BRCA2: variants seen among roughly 807,000 people sequenced by gnomAD.
The protein encoded by BRCA2 is BRCA2 DNA repair associated.
BRCA2 carries 203 observed loss-of-function variants against 276.7 expected under a neutral mutation model. That is an observed-to-expected ratio of 0.73 (90% CI 0.65 to 0.82). The LOEUF is 0.82. BRCA2 is among the 40% of genes least tolerant of loss of function. The pLI is 0.00. For synonymous variants in BRCA2, 1,289 were observed against 1,338.4 expected (o/e 0.96, Z 0.81); for missense variants, 3,920 against 3,915.0 (o/e 1.00, Z -0.03).
At chr13:32,363,078 G>A in intron 17 of BRCA2, 101 bp from the exon 18 acceptor site, 1 of 990,056 alleles carries the variant, frequency 1.0e-6, no homozygotes, top group South Asian at 1.5e-5. Flanking sequence ...GTATTTCTTA[G>A]ATAAATTCAG....
intron 8 of BRCA2, among the ~76,000 whole-genome samples, chr13:32,330,540 G>A (rs948363733): frequency 6.6e-6 from 1 of 152,154 alleles, no homozygotes; most frequent in African/African-American, 2.4e-5. Context: ...CACAATAGCC[G>A]ATCTGATAAC....
In BRCA2 at chr13:32,333,333, C is replaced by T. The variant is rs80358476; in HGVS notation, c.1855C>T (p.Gln619Ter). ...QKSELINCSA[Q>*]FEANAFEAPL... is the part of the protein sequence containing the mutation. ...ATCAGAACTAATTAACTGTTCAGCC[C>T]AGTTTGAAGCAAATGCTTTTGAAGC... The change falls in exon 10 of 27, where the codon CAG (glutamine) becomes TAG (stop). Residue 619 changes from glutamine to a stop codon, truncating the protein, a stop_gained. Transcript: ENST00000380152. LOFTEE classifies it high-confidence loss of function. The T allele has an allele frequency of 6.2e-7, 1 of 1,608,098 alleles. No individual in the cohort carries two copies. Among genetic ancestry groups the T allele is most frequent in the South Asian group, 1.1e-5 (1 of 89,252 alleles).
rs786202150 is a variant in BRCA2, at chr13:32,333,147, T to A, written c.1669T>A (p.Leu557Ile). The change falls in exon 10 of 27, where the codon TTA becomes ATA. Residue 557 changes from leucine (L) to isoleucine (I), a missense_variant. Coordinates refer to ENST00000380152, the MANE Select transcript of BRCA2 (RefSeq NM_000059.4). Reference protein sequence around the residue: ...SQKEDSLCPNLIDNGSWPATT... With the variant: ...SQKEDSLCPNIIDNGSWPATT... Reference sequence around the variant, plus strand: ...GAAGGAGGACTCCTTATGTCCAAATTTAATTGATAATGGAAGCTGGCCAGC... The same window carrying A: ...GAAGGAGGACTCCTTATGTCCAAATATAATTGATAATGGAAGCTGGCCAGC... 6.2e-7 allele frequency: 1 copy of A among 1,614,024 alleles called. No individual in the cohort carries two copies. Among genetic ancestry groups the A allele is most frequent in the Non-Finnish European group, 8.5e-7 (1 of 1,180,024 alleles).
chr13:32,337,209 G>T lies in BRCA2; in HGVS notation c.2854G>T (p.Ala952Ser), dbSNP rs80358536. Residue 952 changes from alanine to serine, a missense_variant, in exon 11 of 27, where the codon GCA becomes TCA. Physicochemically the swap from Ala to Ser is moderately conservative, Grantham distance 99. Around this residue, in one of 2 missense-constraint regions of BRCA2, gnomAD observed 3,263 missense variants for 3,156.9 expected, o/e 1.03. Coordinates refer to ENST00000380152, the MANE Select transcript of BRCA2 (RefSeq NM_000059.4). Reference sequence around the variant, plus strand: ...TAAAAAAGATTTGGTTTATGTTCTTGCAGAGGAGAACAAAAATAGTGTAAA... The same window carrying T: ...TAAAAAAGATTTGGTTTATGTTCTTTCAGAGGAGAACAAAAATAGTGTAAA... The part of the protein sequence containing the change: ...SIKKDLVYVL[A>S]EENKNSVKQH... 1 of 1,613,250 alleles carries T rather than the reference G, an allele frequency of 6.2e-7. No individual in the cohort carries two copies. Among genetic ancestry groups the T allele is most frequent in the Non-Finnish European group, 8.5e-7 (1 of 1,179,730 alleles).
rs536218070 is a variant in BRCA2, at chr13:32,333,081, G to T, written c.1603G>T (p.Ala535Ser). Residue 535 changes from alanine (A) to serine (S), a missense_variant, in exon 10 of 27, where the codon GCC (alanine) becomes TCC (serine). Physicochemically the swap from Ala to Ser is moderately conservative, Grantham distance 99. Transcript: ENST00000380152. ...TDPNFKKETE[A>S]SESGLEIHTV... ...TCCAAACTTTAAAAAAGAAACTGAA[G>T]CCTCTGAAAGTGGACTGGAAATACA... 1.9e-6 allele frequency: 3 copies of T among 1,611,738 alleles called. No homozygotes were observed. The South Asian group carries it at 3.3e-5, about 18-fold the overall frequency.
At chr13:32,344,486 G>T in intron 11 of BRCA2, 72 bp from the exon 12 acceptor site, 1 of 961,876 alleles carries the variant, frequency 1.0e-6, no homozygotes, top group Non-Finnish European at 1.6e-6. Flanking sequence ...TTAAAAAAAT[G>T]GTCTATAGAC....
rs80358926 is a variant in BRCA2 at position 32,346,880 on chromosome 13, A to G, written c.6991A>G (p.Thr2331Ala). Residue 2331 changes from threonine to alanine, a missense_variant, in exon 13 of 27, where the codon ACC becomes GCC. By Grantham distance (58) the Thr-to-Ala change is moderately conservative. Around this residue, in one of 2 missense-constraint regions of BRCA2, gnomAD observed 3,263 missense variants for 3,156.9 expected, o/e 1.03. Transcript: ENST00000380152. ...FMHHVSLEPI[T>A]CVPFRTTKER... ...GCATCATGTTTCTTTAGAGCCGATT[A>G]CCTGTGTACCCTTTCGGTAAGACAT... 4 of 1,609,118 alleles carry G rather than the reference A, an allele frequency of 2.5e-6. No individual in the cohort carries two copies. The African/African-American group carries it at 4.0e-5, about 16-fold the overall frequency.
intron 18 of BRCA2, among the ~76,000 whole-genome samples, chr13:32,368,602 C>A (rs1380597832): frequency 6.6e-6 from 1 of 151,210 alleles, no homozygotes. Context: ...ATTCACTGAT[C>A]CAGAAGTTGT....
At position 32,338,423 on chromosome 13, in the gene BRCA2, G is replaced by A. The variant is rs28897724; in HGVS notation, c.4068G>A (p.Leu1356=). The change falls in exon 11 of 27, where the codon TTG becomes TTA. Residue 1356 remains leucine (L), a synonymous_variant. Coordinates refer to ENST00000380152, the MANE Select transcript of BRCA2 (RefSeq NM_000059.4). The part of the protein sequence containing the change: ...TVCIHKDETD[L]LFTDQHNICL... ...GTATTCATAAAGATGAAACGGACTT[G>A]CTATTTACTGATCAGCACAACATAT... 3.4e-3 allele frequency: 5,475 copies of A among 1,608,220 alleles called. 7 individuals are homozygous for A. The highest frequency in any genetic ancestry group is 4.0e-3 in the Non-Finnish European group (4,700 of 1,178,176).
In BRCA2 at chr13:32,398,916, G is replaced by A. The variant is rs970865582; in HGVS notation, c.*146G>A. 6.3e-6 allele frequency: 7 copies of A among 1,109,358 alleles called. No homozygotes were observed. In the South Asian group the frequency reaches 7.0e-5, roughly 11 times the overall value. The allele number at this position is 1,109,358 out of a possible 1,614,324, so 68.7% of individuals were successfully genotyped here. On this transcript the variant is annotated 3_prime_UTR_variant, in exon 27 of 27. Transcript: ENST00000380152. Reference sequence around the variant, plus strand: ...AAATTTACCTCAGCGTTTGTGTATCGGGCAAAAATCGTTTTGCCCGATTCC... The same window carrying A: ...AAATTTACCTCAGCGTTTGTGTATCAGGCAAAAATCGTTTTGCCCGATTCC...
At chr13:32,384,358 C>G (rs1257205113) in intron 24 of BRCA2, among the ~76,000 whole-genome samples, 1 of 152,068 alleles carries the variant, frequency 6.6e-6, no homozygotes, top group Non-Finnish European at 1.5e-5. Context: ...TGAAAGGATT[C>G]GAGGAGATGA....
chr13:32,340,414 A>G lies in BRCA2; in HGVS notation c.6059A>G (p.Glu2020Gly). 1 of 1,613,816 alleles carries G rather than the reference A, an allele frequency of 6.2e-7. No homozygotes were observed. Among genetic ancestry groups the G allele is most frequent in the East Asian group, 2.2e-5 (1 of 44,836 alleles). Residue 2020 changes from glutamate (E) to glycine (G), a missense_variant, in exon 11 of 27, where the codon GAA (glutamate) becomes GGA (glycine). Physicochemically the swap from Glu to Gly is moderately conservative, Grantham distance 98. Coordinates refer to ENST00000380152, the MANE Select transcript of BRCA2 (RefSeq NM_000059.4). Reference sequence around the variant, plus strand: ...TCCAAAGTATTGTTTAAAAGTAACGAACATTCAGACCAGCTCACAAGAGAA... The same window carrying G: ...TCCAAAGTATTGTTTAAAAGTAACGGACATTCAGACCAGCTCACAAGAGAA... Reference protein sequence around the residue: ...VFSKVLFKSNEHSDQLTREEN... With the variant: ...VFSKVLFKSNGHSDQLTREEN...
chr13:32,388,198 A>C (rs376056920), intron 24 of BRCA2, among the ~76,000 whole-genome samples: 59 of 150,070 alleles, frequency 3.9e-4, no homozygotes, highest in African/African-American at 1.4e-3. Context: ...AGCTCACTGC[A>C]GCCTCTGCCT....
At position 32,396,882 on chromosome 13, in the gene BRCA2, C is replaced by A; in HGVS notation, c.9502-16C>A. ...GTTTGCAATTTATAAAGCAGCTTTT[C>A]CACTTATTTTCTTAGAATATTGACA... On this transcript the variant is annotated splice_polypyrimidine_tract_variant and intron_variant, in intron 25 of 26. Coordinates refer to ENST00000380152, the MANE Select transcript of BRCA2 (RefSeq NM_000059.4). 1 of 1,613,930 alleles carries A rather than the reference C, an allele frequency of 6.2e-7. No individual in the cohort carries two copies. The highest frequency in any genetic ancestry group is 8.5e-7 in the Non-Finnish European group (1 of 1,179,878).
At chr13:32,350,168 C>T (rs1182218752) in intron 13 of BRCA2, among the ~76,000 whole-genome samples, 1 of 152,040 alleles carries the variant, frequency 6.6e-6, no homozygotes, top group African/African-American at 2.4e-5. Context: ...CTTTTGGTCC[C>T]TCACTCTTAA....
At chr13:32,320,722 CATGT>C (rs2138708560) in intron 3 of BRCA2, among the ~76,000 whole-genome samples, 1 of 152,278 alleles carries the variant, frequency 6.6e-6, no homozygotes. Flanking sequence ...CAAATATTTA[CATGT>C]ATGTTATTGG....
intron 3 of BRCA2, among the ~76,000 whole-genome samples, chr13:32,323,426 T>TA (rs1371329493): frequency 1.3e-5 from 2 of 152,222 alleles, no homozygotes; most frequent in Non-Finnish European, 2.9e-5. Flanking sequence ...GTGCTGGGAT[T>TA]ACAGGCGTGA....
rs185687423 is a variant in BRCA2, at chr13:32,380,462, T to A, written c.9256+317T>A. Reference sequence around the variant, plus strand: ...ATCCCATTGTGATGTTATATTGGTGTCCTCAATTTATTTCCTTAGCCATAC... The same window carrying A: ...ATCCCATTGTGATGTTATATTGGTGACCTCAATTTATTTCCTTAGCCATAC... On this transcript the variant is annotated intron_variant, in intron 24 of 26. Transcript: ENST00000380152. Among the ~76,000 whole-genome samples the A allele has an allele frequency of 5.3e-5, 8 of 152,000 alleles. No individual in the cohort carries two copies. In the East Asian group the frequency reaches 1.5e-3, roughly 29 times the overall value.
At chr13:32,376,879 G>A (rs1214140281) in intron 21 of BRCA2, 88 bp downstream of exon 21, 2 of 1,548,092 alleles carry the variant, frequency 1.3e-6, no homozygotes. Context: ...ACAGGAAGGA[G>A]TATGTTGAAA....
Sources: allele counts gnomAD v4.1 joint callset (sites outside exome capture counted in the v4.1 genomes callset), GRCh38; gene constraint gnomAD v4.1.1; regional missense constraint gnomAD v4.1.1; transcripts MANE v1.5; gene names NCBI Gene and HGNC (gene_info 2026-07-23, HGNC 2026-07-21).